MTUS2: variants seen among roughly 807,000 people sequenced by gnomAD.
MTUS2 encodes microtubule associated scaffold protein 2.
In MTUS2, 40 loss-of-function variants were observed where a neutral mutation model predicts 114.1. The observed-to-expected ratio is 0.35, with a 90% CI of 0.27 to 0.46. The LOEUF (loss-of-function observed/expected upper bound fraction) is 0.46, where lower values mean the gene tolerates loss of function less well. MTUS2 is among the 20% of genes least tolerant of loss of function. The pLI, the probability that MTUS2 is intolerant of heterozygous loss-of-function variation, is 1.00. For missense variants in MTUS2, 1,679 were observed against 1,705.4 expected (o/e 0.98, Z 0.27); for synonymous variants, 688 against 672.0 (o/e 1.02, Z -0.37).
At chr13:29,361,885 C>A (rs1870286888) in intron 8 of MTUS2, among the ~76,000 whole-genome samples, 1 of 152,194 alleles carries the variant, frequency 6.6e-6, no homozygotes, top group Non-Finnish European at 1.5e-5. Context: ...TACACTGTAG[C>A]ATATTTATCT....
intron 7 of MTUS2, among the ~76,000 whole-genome samples, chr13:29,346,301 G>C (rs9551655): frequency 1.3e-5 from 2 of 152,080 alleles, no homozygotes; most frequent in African/African-American, 4.8e-5. Context: ...TACCAGGGTG[G>C]GTAGAGAAAG....
intron 5 of MTUS2, among the ~76,000 whole-genome samples, chr13:29,187,367 A>C (rs1272432037): frequency 6.6e-6 from 1 of 152,188 alleles, no homozygotes; most frequent in Non-Finnish European, 1.5e-5. Flanking sequence ...AGACCAAGAG[A>C]AATTAAAGAG....
chr13:28,839,182 G>C (rs188932628), intron 1 of MTUS2, among the ~76,000 whole-genome samples: 13 of 152,044 alleles, frequency 8.6e-5, no homozygotes, highest in Admixed American at 8.5e-4. Context: ...TCTTCCTGTT[G>C]GACAATTTAG....
chr13:29,157,354 A>G (rs1441351199), intron 5 of MTUS2, among the ~76,000 whole-genome samples: 1 of 152,200 alleles, frequency 6.6e-6, no homozygotes, highest in African/African-American at 2.4e-5. Context: ...CCAATTCTCC[A>G]CATACTCACC....
chr13:29,218,986 T>C (rs1455146959), intron 5 of MTUS2, among the ~76,000 whole-genome samples: 4 of 151,542 alleles, frequency 2.6e-5, no homozygotes, highest in Non-Finnish European at 5.9e-5. Context: ...ATTTTTTTTA[T>C]TATACTTTAA....
intron 2 of MTUS2, among the ~76,000 whole-genome samples, chr13:28,973,330 T>G (rs548975534): frequency 1.1e-4 from 16 of 152,368 alleles, no homozygotes; most frequent in Admixed American, 3.3e-4. Context: ...CTGTCATTAT[T>G]GCATATTATA....
chr13:29,087,577 T>C (rs1889747923), intron 4 of MTUS2, among the ~76,000 whole-genome samples: 1 of 152,166 alleles, frequency 6.6e-6, no homozygotes, highest in African/African-American at 2.4e-5. Context: ...TTCATGTGTC[T>C]CTGTCAGGTT....
chr13:28,860,230 T>C (rs568423514), intron 2 of MTUS2, among the ~76,000 whole-genome samples: 1 of 152,332 alleles, frequency 6.6e-6, no homozygotes, highest in African/African-American at 2.4e-5. Flanking sequence ...TATTTTCATT[T>C]TCTGTGAAAA....
At chr13:28,919,933 C>T (rs903187048) in intron 2 of MTUS2, among the ~76,000 whole-genome samples, 2 of 152,166 alleles carry the variant, frequency 1.3e-5, no homozygotes, top group African/African-American at 4.8e-5. Flanking sequence ...ATTTCAATCT[C>T]TTGGTCAAAT....
intron 5 of MTUS2, among the ~76,000 whole-genome samples, chr13:29,145,953 A>C (rs1052006790): frequency 6.6e-6 from 1 of 152,166 alleles, no homozygotes; most frequent in Non-Finnish European, 1.5e-5. Flanking sequence ...TTAAGGGACA[A>C]CATGGGTGCA....
intron 4 of MTUS2, among the ~76,000 whole-genome samples, chr13:29,054,245 A>G (rs1329589346): frequency 1.3e-5 from 2 of 152,182 alleles, no homozygotes; most frequent in Non-Finnish European, 2.9e-5. Context: ...TCCTTTGATC[A>G]TTTAAAAAAT....
chr13:29,061,667 C>T (rs1055058366), intron 4 of MTUS2, among the ~76,000 whole-genome samples: 12 of 152,200 alleles, frequency 7.9e-5, no homozygotes, highest in Admixed American at 2.6e-4. Flanking sequence ...GTGCTGTGGC[C>T]AGGAAACTTC....
chr13:29,281,976 T>G, intron 6 of MTUS2, 111 bp downstream of exon 6: 1 of 1,206,756 alleles, frequency 8.3e-7, no homozygotes, highest in Admixed American at 2.6e-5. Flanking sequence ...GATGATTGAT[T>G]AAATGATAGT....
In MTUS2 at chr13:29,505,498, T is replaced by C. The variant is rs1432281349; in HGVS notation, c.*2292T>C. 4 of 229,234 alleles carry C rather than the reference T, an allele frequency of 1.7e-5. No individual in the cohort carries two copies. The highest frequency in any genetic ancestry group is 2.6e-5 in the Non-Finnish European group (3 of 115,720). 14.2% of individuals were successfully genotyped at this position (229,234 alleles called of 1,614,324 possible). Reference sequence around the variant, plus strand: ...TTTTGTTACGGACACCCATCATGTATGGCTCCTCATCTGAGCCATCACCGC... The same window carrying C: ...TTTTGTTACGGACACCCATCATGTACGGCTCCTCATCTGAGCCATCACCGC... On this transcript the variant is annotated 3_prime_UTR_variant, in exon 16 of 16. Coordinates refer to ENST00000612955, the MANE Select transcript of MTUS2 (RefSeq NM_001033602.4).
At chr13:28,952,876 G>T (rs561485154) in intron 2 of MTUS2, among the ~76,000 whole-genome samples, 27 of 152,254 alleles carry the variant, frequency 1.8e-4, no homozygotes, top group South Asian at 2.1e-4. Flanking sequence ...AGGAATAGTG[G>T]TATAATAAAC....
intron 8 of MTUS2, among the ~76,000 whole-genome samples, chr13:29,390,172 G>T (rs1169022895): frequency 2.5e-4 from 37 of 145,568 alleles, no homozygotes; most frequent in African/African-American, 9.1e-4. Context: ...TTGTGTGTGT[G>T]TGTGTTTATG....
At chr13:29,334,532 ACT>A (rs1900952409) in intron 7 of MTUS2, among the ~76,000 whole-genome samples, 1 of 152,008 alleles carries the variant, frequency 6.6e-6, no homozygotes, top group African/African-American at 2.4e-5. Flanking sequence ...ATTGGCCCAC[ACT>A]CTCTTCTGGC....
chr13:29,198,276 T>G (rs2139225561), intron 5 of MTUS2, among the ~76,000 whole-genome samples: 1 of 152,272 alleles, frequency 6.6e-6, no homozygotes, highest in African/African-American at 2.4e-5. Flanking sequence ...CTGGTTTCAG[T>G]TTTCTGCATA....
chr13:29,145,190 A>G (rs1892380336), intron 5 of MTUS2, among the ~76,000 whole-genome samples: 1 of 152,038 alleles, frequency 6.6e-6, no homozygotes, highest in South Asian at 2.1e-4. Flanking sequence ...AAAAGGACAC[A>G]ATTTACATAT....
Sources: gnomAD v4.1 joint callset for allele counts (sites outside exome capture counted in the v4.1 genomes callset) on GRCh38, gnomAD v4.1.1 for gene constraint, MANE v1.5 for transcripts, NCBI Gene and HGNC (gene_info 2026-07-23, HGNC 2026-07-21) for gene names.